The following UNC79 variants were observed in gnomAD, a reference collection of about 807,000 sequenced individuals.
UNC79 encodes unc-79 subunit of NALCN channel complex.
Under a neutral mutation model 283.1 loss-of-function variants are expected in UNC79, and 37 were observed. The ratio of observed to expected loss-of-function variants is 0.13; its 90% CI spans 0.10 to 0.17. UNC79 has a LOEUF of 0.17. Ranked by LOEUF, UNC79 falls within the 10% of genes least tolerant of loss-of-function variation. The pLI is 1.00. For missense variants in UNC79, 2,272 were observed against 3,211.1 expected, an observed-to-expected ratio of 0.71 and a Z score of 7.07; for synonymous variants, 1,107 against 1,200.2, an observed-to-expected ratio of 0.92 and a Z score of 1.61.
chr14:93,636,684 C>A (rs1168679168), intron 31 of UNC79, among the ~76,000 whole-genome samples: 1 of 152,112 alleles, frequency 6.6e-6, no homozygotes, highest in African/African-American at 2.4e-5. Context: ...TACTGCTTTG[C>A]CTCATCTTTC....
At chr14:93,416,433 A>G (rs1196853454) in intron 1 of UNC79, among the ~76,000 whole-genome samples, 1 of 151,944 alleles carries the variant, frequency 6.6e-6, no homozygotes, top group African/African-American at 2.4e-5. Context: ...GGAGTGCTTT[A>G]CTTCCAACTA....
At chr14:93,622,939 T>G in intron 30 of UNC79, 98 bp downstream of exon 32, 2 of 1,457,058 alleles carry the variant, frequency 1.4e-6, no homozygotes, top group Non-Finnish European at 1.8e-6. Context: ...ACTCAAACTC[T>G]TATAATGTCA....
chr14:93,694,764 C>CA (rs1333286541), intron 47 of UNC79, among the ~76,000 whole-genome samples: 3 of 150,050 alleles, frequency 2.0e-5, no homozygotes, highest in Non-Finnish European at 3.0e-5. Flanking sequence ...AAAAAACAAA[C>CA]AAAAAAAAAG....
rs199605503 is a variant in UNC79 at position 93,597,407 on chromosome 14, C to T, written c.3239C>T (p.Thr1080Ile). Residue 1080 changes from threonine to isoleucine, a missense_variant, in exon 24 of 49, where the codon ACC (threonine) becomes ATC (isoleucine). Physicochemically the swap from Thr to Ile is moderately conservative, Grantham distance 89 (BLOSUM62 -1). Around this residue, in one of 11 missense-constraint regions of UNC79, gnomAD observed 237 missense variants for 378.9 expected, o/e 0.63. Coordinates refer to ENST00000555664, the Ensembl canonical transcript of UNC79. Reference sequence around the variant, plus strand: ...AGATTTCTGGATATTCACTCAGTAACCAAAAACCACCTGCTGAAGTACTCC... The same window carrying T: ...AGATTTCTGGATATTCACTCAGTAATCAAAAACCACCTGCTGAAGTACTCC... The T allele has an allele frequency of 1.4e-5, 22 of 1,614,148 alleles. No individual in the cohort carries two copies. The Middle Eastern group carries it at 1.2e-3, about 85-fold the overall frequency.
At chr14:93,596,911 A>G (rs973396708) in intron 23 of UNC79, among the ~76,000 whole-genome samples, 5 of 152,172 alleles carry the variant, frequency 3.3e-5, no homozygotes, top group African/African-American at 1.2e-4. Context: ...ATTTCACACC[A>G]CGACCTACTA....
chr14:93,403,398 A>G (rs774349598), intron 1 of UNC79, among the ~76,000 whole-genome samples: 1 of 152,212 alleles, frequency 6.6e-6, no homozygotes, highest in Non-Finnish European at 1.5e-5. Context: ...TTGCGAGGGA[A>G]GTAGACAGCT....
rs775239716 is a variant in UNC79, at chr14:93,682,612, ATTAG to A, written c.6742-2_6743del. On this transcript the variant is annotated splice_acceptor_variant and splice_polypyrimidine_tract_variant and intron_variant, in intron 41 of 48. Coordinates refer to ENST00000555664, the Ensembl canonical transcript of UNC79. LOFTEE classifies it high-confidence loss of function. ...AAAATAATTATCCTTTCACTTTTTTATTAGTTTATTTGTGCAGATGCTGGAACCA... is the reference window on the plus strand; with the variant it reads ...AAAATAATTATCCTTTCACTTTTTTATTTATTTGTGCAGATGCTGGAACCA... The A allele has an allele frequency of 1.2e-6, 2 of 1,612,292 alleles. No homozygotes were observed.
At chr14:93,655,645 A>G (rs201847708) in intron 38 of UNC79, among the ~76,000 whole-genome samples, 19 of 119,306 alleles carry the variant, frequency 1.6e-4, no homozygotes, top group African/African-American at 4.5e-4. Context: ...AGTTGATTTG[A>G]AAAAAAAAAA....
rs932328685 is a variant in UNC79 at position 93,622,295 on chromosome 14, A to G, written c.5062A>G (p.Ser1688Gly). The G allele has an allele frequency of 1.9e-6, 3 of 1,613,992 alleles. No homozygotes were observed. In the African/African-American group the frequency reaches 4.0e-5, roughly 22 times the overall value. The change falls in exon 30 of 49, where the codon AGT becomes GGT. Residue 1688 changes from serine to glycine, a missense_variant. Ser to Gly is a moderately conservative substitution (Grantham distance 56, BLOSUM62 0). Around this residue, in one of 11 missense-constraint regions of UNC79, gnomAD observed 580 missense variants for 632.2 expected, o/e 0.92. Coordinates refer to ENST00000555664, the Ensembl canonical transcript of UNC79. The stretch of plus-strand genomic sequence containing the variant: ...GAGCACAGCTCCGCTTGTACAAGTA[A>G]GTGTGGAGGATTGTTCCAAAGACTT...
At chr14:93,600,674 G>C in exon 25 of UNC79, 1 of 1,613,802 alleles carries the variant, frequency 6.2e-7, no homozygotes, top group Non-Finnish European at 8.5e-7. Context: ...GGATATTCCT[G>C]CTCTGAGCTG....
chr14:93,416,382 G>A (rs2055457444), intron 1 of UNC79, among the ~76,000 whole-genome samples: 3 of 151,304 alleles, frequency 2.0e-5, no homozygotes, highest in Middle Eastern at 6.9e-3. Flanking sequence ...TGTGGTCTGA[G>A]AGACAGTTTG....
At chr14:93,377,652 A>G (rs1018909142) in intron 1 of UNC79, among the ~76,000 whole-genome samples, 2 of 152,258 alleles carry the variant, frequency 1.3e-5, no homozygotes, top group African/African-American at 4.8e-5. Context: ...TTGAAATCCT[A>G]TAACGGAACT....
At chr14:93,347,735 T>C (rs2053890872) in intron 1 of UNC79, among the ~76,000 whole-genome samples, 1 of 151,916 alleles carries the variant, frequency 6.6e-6, no homozygotes, top group Non-Finnish European at 1.5e-5. Context: ...TCCTCGGACG[T>C]CCTCGGCACT....
intron 5 of UNC79, among the ~76,000 whole-genome samples, chr14:93,495,353 G>GGTGGCAGCAAGTGCAGGGA: frequency 6.6e-6 from 1 of 152,178 alleles, no homozygotes; most frequent in East Asian, 1.9e-4. Flanking sequence ...CTGCCTTTAT[G>GGTGGCAGCAAGTGCAGGGA]AAACCATCAG....
intron 26 of UNC79, among the ~76,000 whole-genome samples, chr14:93,610,257 G>T (rs1389658978): frequency 6.6e-6 from 1 of 152,146 alleles, no homozygotes; most frequent in African/African-American, 2.4e-5. Context: ...CTGTATTGAG[G>T]TCCCTTGATT....
chr14:93,396,409 A>G (rs1196728721), intron 1 of UNC79, among the ~76,000 whole-genome samples: 3 of 152,068 alleles, frequency 2.0e-5, no homozygotes, highest in African/African-American at 4.8e-5. Flanking sequence ...TGAGTCCAGT[A>G]TCTGGGATTT....
intron 1 of UNC79, among the ~76,000 whole-genome samples, chr14:93,423,326 A>G (rs2055649276): frequency 6.6e-6 from 1 of 152,160 alleles, no homozygotes; most frequent in Admixed American, 6.5e-5. Flanking sequence ...CTATCAAAAT[A>G]CCAATGACAT....
At chr14:93,368,747 C>T (rs2054385185) in intron 1 of UNC79, among the ~76,000 whole-genome samples, 1 of 152,160 alleles carries the variant, frequency 6.6e-6, no homozygotes, top group South Asian at 2.1e-4. Flanking sequence ...GCGGGGATTA[C>T]AGGCATGAGC....
intron 20 of UNC79, among the ~76,000 whole-genome samples, chr14:93,585,035 A>G (rs1184849819): frequency 6.6e-6 from 1 of 152,078 alleles, no homozygotes; most frequent in African/African-American, 2.4e-5. Context: ...TCCTTGCTGT[A>G]TTGTTATACA....
Sources: gnomAD v4.1 joint callset for allele counts (sites outside exome capture counted in the v4.1 genomes callset) on GRCh38, gnomAD v4.1.1 for gene constraint, gnomAD v4.1.1 regional missense constraint, MANE v1.5 for transcripts, NCBI Gene and HGNC (gene_info 2026-07-23, HGNC 2026-07-21) for gene names.